The following RANBP2 variants were observed in gnomAD, a reference collection of about 807,000 sequenced individuals.
The protein encoded by RANBP2 is E3 SUMO-protein ligase RanBP2.
Under a neutral mutation model 303.6 loss-of-function variants are expected in RANBP2, and 57 were observed. The observed-to-expected ratio is 0.19, with a 90% confidence interval of 0.15 to 0.23. RANBP2 has a LOEUF of 0.23. Among genes scored for constraint, RANBP2 ranks in the 10% least tolerant of loss-of-function variants. RANBP2 has a pLI of 1.00. For missense variants in RANBP2, 3,138 were observed against 3,780.8 expected (o/e 0.83, Z 4.46); for synonymous variants, 1,167 against 1,301.5 (o/e 0.90, Z 2.23).
At chr2:109,046,090 G>C in the RANBP2 span, among the ~76,000 whole-genome samples, 97 of 152,126 alleles carry the variant, frequency 6.4e-4, 1 homozygote, top group Non-Finnish European at 8.2e-4. Flanking sequence ...AGATCACGAG[G>C]TCAGGAGATT....
the RANBP2 span, among the ~76,000 whole-genome samples, chr2:109,557,360 C>T: frequency 6.6e-6 from 1 of 152,066 alleles, no homozygotes; most frequent in Non-Finnish European, 1.5e-5. Context: ...TTCTGGACTC[C>T]TTTATGTTGA....
At chr2:109,124,001 T>C in the RANBP2 span, among the ~76,000 whole-genome samples, 2 of 151,032 alleles carry the variant, frequency 1.3e-5, no homozygotes, top group Non-Finnish European at 3.0e-5. Context: ...TATTTATTTA[T>C]TTATTTATTT....
the RANBP2 span, among the ~76,000 whole-genome samples, chr2:109,230,205 A>G: frequency 6.6e-6 from 1 of 152,082 alleles, no homozygotes; most frequent in Admixed American, 6.5e-5. Context: ...AAATACGGAC[A>G]TTCCTCAACT....
At chr2:109,050,048 T>C in the RANBP2 span, among the ~76,000 whole-genome samples, 85 of 152,306 alleles carry the variant, frequency 5.6e-4, no homozygotes, top group Non-Finnish European at 9.6e-4. Context: ...AGCTTGCCAC[T>C]GTGTCTCTTG....
the RANBP2 span, among the ~76,000 whole-genome samples, chr2:109,416,447 A>G: frequency 2.0e-5 from 3 of 152,096 alleles, no homozygotes; most frequent in Middle Eastern, 3.4e-3. Flanking sequence ...AAAATACAAA[A>G]TATCTCGGCT....
At chr2:109,035,114 A>G in the RANBP2 span, among the ~76,000 whole-genome samples, 1 of 152,322 alleles carries the variant, frequency 6.6e-6, no homozygotes, top group Non-Finnish European at 1.5e-5. Context: ...TGGTACACGT[A>G]TGTTTTTTGT....
chr2:108,891,817 T>C, the RANBP2 span, among the ~76,000 whole-genome samples: 3,024 of 152,196 alleles, frequency 0.02, 98 homozygotes, highest in African/African-American at 0.069. Context: ...TGTGATGGAC[T>C]GGGTAAGACA....
chr2:109,078,100 A>ATATATATATATATATATATATATGGCG, the RANBP2 span, among the ~76,000 whole-genome samples: 2 of 70,002 alleles, frequency 2.9e-5, no homozygotes, highest in African/African-American at 5.0e-5. Flanking sequence ...ATATATATAT[A>ATATATATATATATATATATATATGGCG]TATATATATA....
chr2:108,857,962 A>T, the RANBP2 span, among the ~76,000 whole-genome samples: 2,441 of 152,318 alleles, frequency 0.016, 73 homozygotes, highest in African/African-American at 0.057. Context: ...GGTGAAATAA[A>T]TTGTGGTACT....
chr2:108,944,708 G>A, the RANBP2 span, among the ~76,000 whole-genome samples: 1 of 152,142 alleles, frequency 6.6e-6, no homozygotes, highest in Non-Finnish European at 1.5e-5. Flanking sequence ...GGCCTGGGAG[G>A]GAGGGGCTGC....
At chr2:109,400,813 T>C in the RANBP2 span, among the ~76,000 whole-genome samples, 1 of 152,198 alleles carries the variant, frequency 6.6e-6, no homozygotes. Context: ...CCCCCATGGT[T>C]ACCCCACTGC....
the RANBP2 span, chr2:109,585,936 T>G: frequency 6.7e-5 from 55 of 817,436 alleles, no homozygotes; most frequent in Non-Finnish European, 9.2e-5. Flanking sequence ...ATCAAATAAA[T>G]GAAAATTTTT....
the RANBP2 span, among the ~76,000 whole-genome samples, chr2:109,063,354 T>G: frequency 1.3e-5 from 2 of 152,130 alleles, no homozygotes; most frequent in Non-Finnish European, 2.9e-5. Flanking sequence ...GGGTTTTCTT[T>G]TCTCTCCTTC....
At chr2:109,659,972 G>A in the RANBP2 span, among the ~76,000 whole-genome samples, 1 of 152,216 alleles carries the variant, frequency 6.6e-6, no homozygotes, top group Admixed American at 6.5e-5. Context: ...CAGGTGCTGA[G>A]CTGTTGTCTC....
the RANBP2 span, chr2:109,732,788 G>C: frequency 1.1e-6 from 1 of 909,232 alleles, no homozygotes; most frequent in Non-Finnish European, 1.8e-6. Context: ...ACAGACTTTT[G>C]GCTACTGTGG....
At chr2:109,632,829 AC>A in the RANBP2 span, among the ~76,000 whole-genome samples, 284 of 151,840 alleles carry the variant, frequency 1.9e-3, 2 homozygotes, top group African/African-American at 6.7e-3. Flanking sequence ...AAAAAAAAAA[AC>A]AAAACAAAAC....
At chr2:109,424,704 C>T in the RANBP2 span, among the ~76,000 whole-genome samples, 3 of 152,138 alleles carry the variant, frequency 2.0e-5, no homozygotes, top group Non-Finnish European at 2.9e-5. Context: ...CATAAGACAG[C>T]GAACTTACTC....
chr2:109,290,839 A>G, the RANBP2 span, among the ~76,000 whole-genome samples: 1 of 152,244 alleles, frequency 6.6e-6, no homozygotes, highest in Non-Finnish European at 1.5e-5. Context: ...CATCTTTTCC[A>G]TCCCTGATTT....
At chr2:108,795,779 T>A in the RANBP2 span, among the ~76,000 whole-genome samples, 5 of 152,130 alleles carry the variant, frequency 3.3e-5, no homozygotes, top group Admixed American at 2.6e-4. Flanking sequence ...TGAAAAGCAG[T>A]GATTGTCCAA....
Sources: allele counts gnomAD v4.1 joint callset (sites outside exome capture counted in the v4.1 genomes callset), GRCh38; gene constraint gnomAD v4.1.1; transcripts MANE v1.5; gene names NCBI Gene and HGNC (gene_info 2026-07-23, HGNC 2026-07-21).